Variants in HNRNPA0 observed in about 807,000 individuals in gnomAD.
HNRNPA0 encodes the protein hnRNA binding protein.
For synonymous variants in HNRNPA0, 243 were observed against 195.5 expected (o/e 1.24, Z -2.03); for missense variants, 252 against 433.7 (o/e 0.58, Z 3.72).
rs894750441 is a variant in HNRNPA0, at chr5:137,753,239, A to G, written c.828T>C (p.Gly276=). ...GPMKSGGGGG[G]GGSSWGGRSN... ...TGCGACCGCCCCAGCTACTGCCTCC[A>G]CCGCCGCCGCCGCCGCCGCTCTTCA... The change falls in exon 1 of 1, where the codon GGT becomes GGC. Residue 276 remains glycine (G), a synonymous_variant. Transcript: ENST00000314940. The surrounding 1 kb of genome is among the most constrained non-coding windows in gnomAD (Gnocchi z 6.1). 11 of 1,604,304 alleles carry G rather than the reference A, an allele frequency of 6.9e-6. No homozygotes were observed. Among genetic ancestry groups the G allele is most frequent in the Non-Finnish European group, 7.7e-6 (9 of 1,174,970 alleles).
At position 137,746,832 on chromosome 5, in the gene HNRNPA0, A is replaced by C. The variant is rs1753415786; in HGVS notation, c.*6317T>G. 6.6e-6 allele frequency: 1 copy of C among 152,180 alleles called. No homozygotes were observed. Among genetic ancestry groups the C allele is most frequent in the Non-Finnish European group, 1.5e-5 (1 of 68,024 alleles). The allele number at this position is 152,180 out of a possible 1,614,324, so 9.4% of individuals were successfully genotyped here. A position where few individuals can be genotyped will look rare whatever the true frequency, so the allele number is the denominator to read the frequency against. ...CCCAGCAGAAGAGTAACAAATTTTA[A>C]CTTGACATACTAAGAAACAGGGAGG... On this transcript the variant is annotated 3_prime_UTR_variant, in exon 1 of 1. Transcript: ENST00000314940.
Position 137,751,192 on chromosome 5 carries a change from G to A in HNRNPA0, c.*1957C>T, listed in dbSNP as rs1244947744. The A allele has an allele frequency of 6.6e-6, 1 of 151,790 alleles. No homozygotes were observed. The highest frequency in any genetic ancestry group is 2.4e-5 in the African/African-American group (1 of 41,326). The allele number at this position is 151,790 out of a possible 1,614,324, so 9.4% of individuals were successfully genotyped here. A position where few individuals can be genotyped will look rare whatever the true frequency, so the allele number is the denominator to read the frequency against. On this transcript the variant is annotated 3_prime_UTR_variant, in exon 1 of 1. Coordinates refer to ENST00000314940, the MANE Select transcript of HNRNPA0 (RefSeq NM_006805.4). ...AAACATCCACCCCGTTTGTCATAGA[G>A]GATATAACACTATTTGTACCAACCA...
At position 137,749,150 on chromosome 5, in the gene HNRNPA0, T is replaced by A. The variant is rs1425421403; in HGVS notation, c.*3999A>T. The A allele has an allele frequency of 1.3e-5, 2 of 152,168 alleles. No homozygotes were observed. Among genetic ancestry groups the A allele is most frequent in the Non-Finnish European group, 2.9e-5 (2 of 68,002 alleles). 9.4% of individuals were successfully genotyped at this position (152,168 alleles called of 1,614,324 possible). A position where few individuals can be genotyped will look rare whatever the true frequency, so the allele number is the denominator to read the frequency against. The stretch of plus-strand genomic sequence containing the variant: ...AAACACTGGGAAATAAGCACACTGT[T>A]TAAATGGCAAAAGTTTACACTTGAG... On this transcript the variant is annotated 3_prime_UTR_variant, in exon 1 of 1. Transcript: ENST00000314940.
At position 137,753,100 on chromosome 5, in the gene HNRNPA0, T is replaced by C. The variant is rs1442627563; in HGVS notation, c.*49A>G. 5.1e-6 allele frequency: 8 copies of C among 1,556,498 alleles called. No individual in the cohort carries two copies. The highest frequency in any genetic ancestry group is 1.4e-5 in the African/African-American group (1 of 73,490). On this transcript the variant is annotated 3_prime_UTR_variant, in exon 1 of 1. Coordinates refer to ENST00000314940, the MANE Select transcript of HNRNPA0 (RefSeq NM_006805.4). This position sits in a 1 kb window ranked among gnomAD's most constrained non-coding sequence, Gnocchi z 6.1. The stretch of plus-strand genomic sequence containing the variant: ...TTAGGAGTTGACCCCACTTGGGCTG[T>C]TGGAAAGAGCTACCCCTATAGCCAC...
rs1753494891 is a variant in HNRNPA0 at position 137,751,357 on chromosome 5, G to C, written c.*1792C>G. The C allele has an allele frequency of 6.8e-6, 1 of 146,620 alleles. No homozygotes were observed. Among genetic ancestry groups the C allele is most frequent in the Admixed American group, 6.8e-5 (1 of 14,682 alleles). The allele number at this position is 146,620 out of a possible 1,614,324, so 9.1% of individuals were successfully genotyped here. Reference sequence around the variant, plus strand: ...TGGCAAGAACTAGACCTTAGGAATTGAACAGTGACAAGAAGTTAAAAAATG... The same window carrying C: ...TGGCAAGAACTAGACCTTAGGAATTCAACAGTGACAAGAAGTTAAAAAATG... On this transcript the variant is annotated 3_prime_UTR_variant, in exon 1 of 1. Coordinates refer to ENST00000314940, the MANE Select transcript of HNRNPA0 (RefSeq NM_006805.4).
At position 137,754,093 on chromosome 5, in the gene HNRNPA0, C is replaced by G; in HGVS notation, c.-27G>C. 6.3e-7 allele frequency: 1 copy of G among 1,582,398 alleles called. No individual in the cohort carries two copies. On this transcript the variant is annotated 5_prime_UTR_variant, in exon 1 of 1. Transcript: ENST00000314940. ...TCCAAGGCCCGGGCCTTGCCCCCGC[C>G]CTGCGAGCTCCGAGGTTTCGCCGTC...
chr5:137,745,651 T>C lies in HNRNPA0; in HGVS notation c.*7498A>G, dbSNP rs1442206970. 1 of 152,100 alleles carries C rather than the reference T, an allele frequency of 6.6e-6. No individual in the cohort carries two copies. The highest frequency in any genetic ancestry group is 1.5e-5 in the Non-Finnish European group (1 of 68,020). 9.4% of individuals were successfully genotyped at this position (152,100 alleles called of 1,614,324 possible). ...GTTCACAAAACTCAGCACTGCTAAG[T>C]ATCGTACTCATGGCTAAAGTTTATT... On this transcript the variant is annotated 3_prime_UTR_variant, in exon 1 of 1. Transcript: ENST00000314940.
Position 137,753,168 on chromosome 5 carries a change from T to C in HNRNPA0, c.899A>G (p.Tyr300Cys), listed in dbSNP as rs764624903. 1.2e-6 allele frequency: 2 copies of C among 1,613,188 alleles called. No homozygotes were observed. Among genetic ancestry groups the C allele is most frequent in the East Asian group, 2.2e-5 (1 of 44,846 alleles). Residue 300 changes from tyrosine to cysteine, a missense_variant, in exon 1 of 1, where the codon TAT (tyrosine) becomes TGT (cysteine). Tyr to Cys is a radical substitution (Grantham distance 194, BLOSUM62 -2). Transcript: ENST00000314940. The surrounding 1 kb of genome is among the most constrained non-coding windows in gnomAD (Gnocchi z 6.1). ...TTTCTTTTAGAAGGAGCTGCCTCCA[T>C]AGCCACCCCCACCGCCATAGCCGCC... ...YRGGYGGGGG[Y>C]GGSSF
rs1403781985 is a variant in HNRNPA0, at chr5:137,748,273, C to A, written c.*4876G>T. 2.6e-5 allele frequency: 4 copies of A among 152,192 alleles called. No individual in the cohort carries two copies. Among genetic ancestry groups the A allele is most frequent in the Non-Finnish European group, 5.9e-5 (4 of 68,040 alleles). 9.4% of individuals were successfully genotyped at this position (152,192 alleles called of 1,614,324 possible). ...TCCTTCTTCCTACCTGAAGTCACCT[C>A]TCCTCAACACTCACATTATTTATAC... On this transcript the variant is annotated 3_prime_UTR_variant, in exon 1 of 1. Coordinates refer to ENST00000314940, the MANE Select transcript of HNRNPA0 (RefSeq NM_006805.4).
Position 137,750,318 on chromosome 5 carries a change from T to C in HNRNPA0, c.*2831A>G, listed in dbSNP as rs1243224975. Reference sequence around the variant, plus strand: ...CTCAAAACACTTCTGGGCCCAAGAATTTCAGATAAGGAATACTCAACCTGT... The same window carrying C: ...CTCAAAACACTTCTGGGCCCAAGAACTTCAGATAAGGAATACTCAACCTGT... On this transcript the variant is annotated 3_prime_UTR_variant, in exon 1 of 1. Coordinates refer to ENST00000314940, the MANE Select transcript of HNRNPA0 (RefSeq NM_006805.4). The C allele has an allele frequency of 6.6e-6, 1 of 152,132 alleles. No homozygotes were observed. The highest frequency in any genetic ancestry group is 2.4e-5 in the African/African-American group (1 of 41,440). 9.4% of individuals were successfully genotyped at this position (152,132 alleles called of 1,614,324 possible). A position where few individuals can be genotyped will look rare whatever the true frequency, so the allele number is the denominator to read the frequency against.
At position 137,747,683 on chromosome 5, in the gene HNRNPA0, C is replaced by G. The variant is rs1180199366; in HGVS notation, c.*5466G>C. The G allele has an allele frequency of 5.3e-5, 8 of 152,158 alleles. No individual in the cohort carries two copies. Among genetic ancestry groups the G allele is most frequent in the Admixed American group, 5.2e-4 (8 of 15,282 alleles). The allele number at this position is 152,158 out of a possible 1,614,324, so 9.4% of individuals were successfully genotyped here. A position where few individuals can be genotyped will look rare whatever the true frequency, so the allele number is the denominator to read the frequency against. ...AGCAAACTTGCCACTTTGAAACATCCCCCACTGCCATTTATGTTACTCAGT... is the reference window on the plus strand; with the variant it reads ...AGCAAACTTGCCACTTTGAAACATCGCCCACTGCCATTTATGTTACTCAGT... On this transcript the variant is annotated 3_prime_UTR_variant, in exon 1 of 1. Transcript: ENST00000314940.
At position 137,754,151 on chromosome 5, in the gene HNRNPA0, A is replaced by G; in HGVS notation, c.-85T>C. ...TTATCGTTGGTTAAGGCCTCTACACAGCTTGGGCCCAGCCGTTGCTGGAGC... is the reference window on the plus strand; with the variant it reads ...TTATCGTTGGTTAAGGCCTCTACACGGCTTGGGCCCAGCCGTTGCTGGAGC... On this transcript the variant is annotated 5_prime_UTR_variant, in exon 1 of 1. Transcript: ENST00000314940. The G allele has an allele frequency of 1.4e-6, 2 of 1,463,942 alleles. No individual in the cohort carries two copies. Among genetic ancestry groups the G allele is most frequent in the Non-Finnish European group, 9.1e-7 (1 of 1,104,704 alleles). 90.7% of individuals were successfully genotyped at this position (1,463,942 alleles called of 1,614,324 possible).
In HNRNPA0 at chr5:137,753,181, C is replaced by A. The variant is rs887269525; in HGVS notation, c.886G>T (p.Gly296Cys). ...NSGPYRGGYG[G>C]GGGYGGSSF ...GAGCTGCCTCCATAGCCACCCCCACCGCCATAGCCGCCTCTGTAAGGTCCA... is the reference window on the plus strand; with the variant it reads ...GAGCTGCCTCCATAGCCACCCCCACAGCCATAGCCGCCTCTGTAAGGTCCA... The change falls in exon 1 of 1, where the codon GGT (glycine) becomes TGT (cysteine). Residue 296 changes from glycine to cysteine, a missense_variant. Gly to Cys is a radical substitution (Grantham distance 159). Transcript: ENST00000314940. The surrounding 1 kb of genome is among the most constrained non-coding windows in gnomAD (Gnocchi z 6.1). 1 of 1,613,338 alleles carries A rather than the reference C, an allele frequency of 6.2e-7. No individual in the cohort carries two copies. Among genetic ancestry groups the A allele is most frequent in the East Asian group, 2.2e-5 (1 of 44,894 alleles).
Position 137,746,375 on chromosome 5 carries a change from A to G in HNRNPA0, c.*6774T>C, listed in dbSNP as rs1296886893. ...ACCAAAATCCTTACAACAACCTACAAATCCCTACATGATCTGGCCCCTCTG... is the reference window on the plus strand; with the variant it reads ...ACCAAAATCCTTACAACAACCTACAGATCCCTACATGATCTGGCCCCTCTG... On this transcript the variant is annotated 3_prime_UTR_variant, in exon 1 of 1. Transcript: ENST00000314940. 6.6e-6 allele frequency: 1 copy of G among 152,120 alleles called. No individual in the cohort carries two copies. The highest frequency in any genetic ancestry group is 1.5e-5 in the Non-Finnish European group (1 of 68,036). 9.4% of individuals were successfully genotyped at this position (152,120 alleles called of 1,614,324 possible). A position where few individuals can be genotyped will look rare whatever the true frequency, so the allele number is the denominator to read the frequency against.
At position 137,753,356 on chromosome 5, in the gene HNRNPA0, G is replaced by A. The variant is rs1753542743; in HGVS notation, c.711C>T (p.Gly237=). ...GGGGYNAYGG[G]GGGSSYGGSD... is the part of the protein sequence containing the mutation. The stretch of plus-strand genomic sequence containing the variant: ...TCCCACCGTAGGACGAACCGCCGCC[G>A]CCGCCTCCGTAGGCATTGTAGCCGC... The change falls in exon 1 of 1, where the codon GGC becomes GGT. Residue 237 remains glycine (G), a synonymous_variant. Coordinates refer to ENST00000314940, the MANE Select transcript of HNRNPA0 (RefSeq NM_006805.4). This position sits in a 1 kb window ranked among gnomAD's most constrained non-coding sequence, Gnocchi z 6.1. 6.5e-7 allele frequency: 1 copy of A among 1,549,358 alleles called. No homozygotes were observed. The highest frequency in any genetic ancestry group is 8.7e-7 in the Non-Finnish European group (1 of 1,146,776).
In HNRNPA0 at chr5:137,753,276, G is replaced by A. The variant is rs762305546; in HGVS notation, c.791C>T (p.Ser264Phe). 4 of 1,598,290 alleles carry A rather than the reference G, an allele frequency of 2.5e-6. No individual in the cohort carries two copies. The highest frequency in any genetic ancestry group is 3.4e-6 in the Non-Finnish European group (4 of 1,173,152). ...GCCGCCGCTCTTCATGGGCCCATAG[G>A]AGGACTGATGCTGGCTGTAGCTGCC... is the stretch of plus-strand genomic sequence containing the variant. ...GFGSYSQHQS[S>F]YGPMKSGGGG... is the part of the protein sequence containing the mutation. Residue 264 changes from serine (S) to phenylalanine (F), a missense_variant, in exon 1 of 1, where the codon TCC becomes TTC. By Grantham distance (155) the Ser-to-Phe change is radical (BLOSUM62 -2). Coordinates refer to ENST00000314940, the MANE Select transcript of HNRNPA0 (RefSeq NM_006805.4). This position sits in a 1 kb window ranked among gnomAD's most constrained non-coding sequence, Gnocchi z 6.1.
At position 137,748,018 on chromosome 5, in the gene HNRNPA0, T is replaced by C. The variant is rs1475137407; in HGVS notation, c.*5131A>G. ...CAGCTGGGGGTCCTTGGGAGTTACT[T>C]TTCTGGCATGAGATTTAGCAACCTT... On this transcript the variant is annotated 3_prime_UTR_variant, in exon 1 of 1. Transcript: ENST00000314940. 1.1e-4 allele frequency: 16 copies of C among 152,172 alleles called. No individual in the cohort carries two copies. Among genetic ancestry groups the C allele is most frequent in the Admixed American group, 9.8e-4 (15 of 15,278 alleles). 9.4% of individuals were successfully genotyped at this position (152,172 alleles called of 1,614,324 possible). A position where few individuals can be genotyped will look rare whatever the true frequency, so the allele number is the denominator to read the frequency against.
Position 137,754,333 on chromosome 5 carries a change from C to A in HNRNPA0, c.-267G>T. ...ACCGCTACCGCCGCCGCCGCCACCT[C>A]CGCTCCCCTATCTGGGCACCACACA... On this transcript the variant is annotated 5_prime_UTR_variant, in exon 1 of 1. Coordinates refer to ENST00000314940, the MANE Select transcript of HNRNPA0 (RefSeq NM_006805.4). 1 of 501,264 alleles carries A rather than the reference C, an allele frequency of 2.0e-6. No homozygotes were observed. Among genetic ancestry groups the A allele is most frequent in the South Asian group, 2.8e-5 (1 of 35,650 alleles). The allele number at this position is 501,264 out of a possible 1,614,324, so 31.1% of individuals were successfully genotyped here.
chr5:137,754,230 G>A lies in HNRNPA0; in HGVS notation c.-164C>T. The A allele has an allele frequency of 1.1e-6, 1 of 943,336 alleles. No individual in the cohort carries two copies. Among genetic ancestry groups the A allele is most frequent in the Non-Finnish European group, 1.6e-6 (1 of 641,018 alleles). 58.4% of individuals were successfully genotyped at this position (943,336 alleles called of 1,614,324 possible). A position where few individuals can be genotyped will look rare whatever the true frequency, so the allele number is the denominator to read the frequency against. On this transcript the variant is annotated 5_prime_UTR_variant, in exon 1 of 1. Transcript: ENST00000314940. ...GAAAAAGGGAAGGGGAGGGAAGGAA[G>A]GAAGAGAGGAAGGGGGAGGGAAGGG...
Sources: gnomAD v4.1 joint callset for allele counts on GRCh38, gnomAD v4.1.1 for gene constraint, Gnocchi (gnomAD v3.1) non-coding constraint, MANE v1.5 for transcripts, NCBI Gene and HGNC (gene_info 2026-07-23, HGNC 2026-07-21) for gene names.